Variants in CAMK4 observed in about 807,000 individuals in gnomAD.
CAMK4 encodes the protein calcium/calmodulin-dependent protein kinase type IV.
Under a neutral mutation model 44.9 loss-of-function variants are expected in CAMK4, and 22 were observed. That is an observed-to-expected ratio of 0.49 (90% CI 0.35 to 0.70). The LOEUF (loss-of-function observed/expected upper bound fraction) is 0.70, where lower values mean the gene tolerates loss of function less well. Among genes scored for constraint, CAMK4 ranks in the 30% least tolerant of loss-of-function variants. CAMK4 has a pLI of 0.01. For synonymous variants in CAMK4, 218 were observed against 215.4 expected, an observed-to-expected ratio of 1.01 and a Z score of -0.11; for missense variants, 498 against 586.8, an observed-to-expected ratio of 0.85 and a Z score of 1.56.
chr5:111,465,775 T>C (rs1326280648), intron 7 of CAMK4, among the ~76,000 whole-genome samples: 1 of 151,998 alleles, frequency 6.6e-6, no homozygotes, highest in Non-Finnish European at 1.5e-5. Context: ...TATCAAACAT[T>C]CAAAGAAGAA....
chr5:111,406,194 T>TTCTCTCTCTGTCTCTCTCTC (rs1752419823), intron 5 of CAMK4, among the ~76,000 whole-genome samples: 2 of 136,744 alleles, frequency 1.5e-5, no homozygotes, highest in African/African-American at 5.7e-5. Flanking sequence ...CTAATTTATT[T>TTCTCTCTCTGTCTCTCTCTC]TCTCTCTCTC....
At chr5:111,412,343 A>G (rs113727211) in intron 5 of CAMK4, among the ~76,000 whole-genome samples, 2,303 of 152,314 alleles carry the variant, frequency 0.015, 41 homozygotes, top group African/African-American at 0.033. Context: ...TTCATGCAAA[A>G]ATAAAAGACT....
At chr5:111,364,345 G>C (rs982981808) in intron 2 of CAMK4, among the ~76,000 whole-genome samples, 1 of 152,094 alleles carries the variant, frequency 6.6e-6, no homozygotes. Context: ...CCCTGCCTCT[G>C]CTAAGCCCAA....
chr5:111,473,428 G>A, intron 8 of CAMK4, 42 bp downstream of exon 8: 1 of 1,283,542 alleles, frequency 7.8e-7, no homozygotes, highest in Non-Finnish European at 1.1e-6. Flanking sequence ...TATTTACCTT[G>A]CTGTGACATT....
rs552603911 is a variant in CAMK4 at position 111,480,414 on chromosome 5, C to T, written c.828+1907C>T. On this transcript the variant is annotated intron_variant, in intron 9 of 10. Coordinates refer to ENST00000282356, the MANE Select transcript of CAMK4 (RefSeq NM_001744.6). ...CCTTCTGCCAAAATCTTCCTTTACC[C>T]CCTGCACTCCCCAGTTCATAACAGT... 9.9e-5 allele frequency among the ~76,000 whole-genome samples: 15 copies of T among 152,164 alleles called. No homozygotes were observed. The East Asian group carries it at 2.7e-3, about 27-fold the overall frequency.
chr5:111,380,618 G>C (rs1231965191), intron 4 of CAMK4, among the ~76,000 whole-genome samples: 1 of 152,084 alleles, frequency 6.6e-6, no homozygotes, highest in East Asian at 1.9e-4. Flanking sequence ...TGCGGTATTT[G>C]GTTTTCTGTT....
At chr5:111,473,064 A>G (rs146705010) in intron 7 of CAMK4, among the ~76,000 whole-genome samples, 8 of 152,148 alleles carry the variant, frequency 5.3e-5, no homozygotes, top group Admixed American at 5.2e-4. Flanking sequence ...CAGTATCATG[A>G]TATTCTGACA....
At chr5:111,358,095 A>G (rs949271567) in intron 2 of CAMK4, 13 of 152,104 alleles carry the variant, frequency 8.5e-5, no homozygotes, top group African/African-American at 3.1e-4. Context: ...GCCTTTATTG[A>G]CACAGGCACA....
At position 111,325,212 on chromosome 5, in the gene CAMK4, G is replaced by GTA. The variant is rs1189281262; in HGVS notation, c.162-18802_162-18801dup. Among the ~76,000 whole-genome samples the GTA allele has an allele frequency of 4.0e-5, 6 of 151,700 alleles. No individual in the cohort carries two copies. The East Asian group carries it at 9.7e-4, about 25-fold the overall frequency. ...TTTTATGACTATATTGTATTCTGTG[G>GTA]TATATATATATTTATATATATGCCA... On this transcript the variant is annotated intron_variant, in intron 1 of 10. Transcript: ENST00000282356.
rs369470633 is a variant in CAMK4 at position 111,430,166 on chromosome 5, T to C, written c.460-16520T>C. Among the ~76,000 whole-genome samples, 5 of 152,208 alleles carry C rather than the reference T, an allele frequency of 3.3e-5. No individual in the cohort carries two copies. The East Asian group carries it at 9.6e-4, about 29-fold the overall frequency. ...TGGGATACAAGGATGGTTCAACATATGCAAATCAATCAATGTGACATGTCA... is the reference window on the plus strand; with the variant it reads ...TGGGATACAAGGATGGTTCAACATACGCAAATCAATCAATGTGACATGTCA... On this transcript the variant is annotated intron_variant, in intron 5 of 10. Coordinates refer to ENST00000282356, the MANE Select transcript of CAMK4 (RefSeq NM_001744.6).
intron 1 of CAMK4, among the ~76,000 whole-genome samples, chr5:111,333,836 T>C (rs1304679801): frequency 5.3e-5 from 8 of 151,548 alleles, no homozygotes; most frequent in African/African-American, 1.9e-4. Flanking sequence ...CAATATAAGG[T>C]CTTGAAAAAG....
chr5:111,358,647 G>T (rs534522113), intron 2 of CAMK4, among the ~76,000 whole-genome samples: 45 of 151,180 alleles, frequency 3.0e-4, no homozygotes, highest in African/African-American at 1.1e-3. Flanking sequence ...GGGATTTGTT[G>T]TACAGATTAT....
intron 2 of CAMK4, among the ~76,000 whole-genome samples, chr5:111,360,688 G>C (rs1750556441): frequency 6.6e-6 from 1 of 152,092 alleles, no homozygotes; most frequent in Non-Finnish European, 1.5e-5. Flanking sequence ...AGTGCTTTGA[G>C]GATGTGCACA....
At chr5:111,411,587 C>A (rs1752633566) in intron 5 of CAMK4, among the ~76,000 whole-genome samples, 1 of 152,180 alleles carries the variant, frequency 6.6e-6, no homozygotes, top group South Asian at 2.1e-4. Context: ...GGAAACATGA[C>A]AAGAACTGCT....
intron 1 of CAMK4, among the ~76,000 whole-genome samples, chr5:111,321,999 C>G (rs1748682873): frequency 6.6e-6 from 1 of 151,958 alleles, no homozygotes. Flanking sequence ...AAAATTAAGA[C>G]TATGGGGGAG....
chr5:111,398,920 C>T (rs1752121345), intron 5 of CAMK4, among the ~76,000 whole-genome samples: 1 of 152,176 alleles, frequency 6.6e-6, no homozygotes, highest in African/African-American at 2.4e-5. Context: ...TTTTCTTCAT[C>T]TGCACTAACC....
At chr5:111,393,829 G>C (rs894243985) in intron 4 of CAMK4, among the ~76,000 whole-genome samples, 4 of 151,312 alleles carry the variant, frequency 2.6e-5, no homozygotes, top group African/African-American at 9.7e-5. Flanking sequence ...ACAGAAGTTT[G>C]TGTAGCAAAC....
chr5:111,348,287 T>G (rs1749948877), intron 2 of CAMK4, among the ~76,000 whole-genome samples: 1 of 151,994 alleles, frequency 6.6e-6, no homozygotes, highest in African/African-American at 2.4e-5. Flanking sequence ...ATATCTGGGT[T>G]TTAGTAGATG....
intron 3 of CAMK4, among the ~76,000 whole-genome samples, chr5:111,375,441 C>T (rs903108843): frequency 1.3e-5 from 2 of 152,114 alleles, no homozygotes; most frequent in African/African-American, 2.4e-5. Context: ...TAGTAAAAAG[C>T]GTTCTTGAAC....
Sources: gnomAD v4.1 joint callset for allele counts (sites outside exome capture counted in the v4.1 genomes callset) on GRCh38, gnomAD v4.1.1 for gene constraint, MANE v1.5 for transcripts, NCBI Gene and HGNC (gene_info 2026-07-23, HGNC 2026-07-21) for gene names.